Variants in AGPAT4 observed in about 807,000 individuals in gnomAD.
AGPAT4 encodes the protein 1-acylglycerol-3-phosphate O-acyltransferase 4, also known as 1-acyl-sn-glycerol-3-phosphate acyltransferase delta.
Under a neutral mutation model 48.0 loss-of-function variants are expected in AGPAT4, and 15 were observed. That is an observed-to-expected ratio of 0.31 (90% confidence interval 0.21 to 0.48). AGPAT4 has a LOEUF of 0.48. AGPAT4 is among the 20% of genes least tolerant of loss of function. AGPAT4 has a pLI of 0.99. For missense variants in AGPAT4, 314 were observed against 482.5 expected (o/e 0.65, Z 3.27); for synonymous variants, 178 against 198.7 (o/e 0.90, Z 0.88).
rs953716449 is a variant in AGPAT4 at position 161,177,548 on chromosome 6, CT to C, written c.179-11132del. On this transcript the variant is annotated intron_variant, in intron 2 of 8. Transcript: ENST00000320285. This position sits in a 1 kb window ranked among gnomAD's most constrained non-coding sequence, Gnocchi z 5.0. ...TATTCTAGTTAGCCATTCATCTAAT[CT>C]TTTTTTTCAAGGTTTTTAGCTTCTT... 6.6e-6 allele frequency among the ~76,000 whole-genome samples: 1 copy of C among 152,046 alleles called. No individual in the cohort carries two copies. Among genetic ancestry groups the C allele is most frequent in the African/African-American group, 2.4e-5 (1 of 41,402 alleles).
At chr6:161,257,829 T>G (rs890302002) in intron 1 of AGPAT4, among the ~76,000 whole-genome samples, 1 of 152,212 alleles carries the variant, frequency 6.6e-6, no homozygotes, top group Non-Finnish European at 1.5e-5. Flanking sequence ...CCATTAGCTA[T>G]GAACCCATCT....
chr6:161,253,031 C>T (rs1382206760), intron 1 of AGPAT4, among the ~76,000 whole-genome samples: 6 of 151,396 alleles, frequency 4.0e-5, no homozygotes, highest in African/African-American at 7.3e-5. Flanking sequence ...CTGGCCAATA[C>T]GGTGAAACCC....
chr6:161,211,433 A>G (rs1781519183), intron 2 of AGPAT4, among the ~76,000 whole-genome samples: 1 of 152,294 alleles, frequency 6.6e-6, no homozygotes, highest in East Asian at 1.9e-4. Context: ...AGATGTAAAG[A>G]AAGTTATAAA....
chr6:161,151,404 C>G (rs764800683), intron 5 of AGPAT4, among the ~76,000 whole-genome samples: 2 of 152,224 alleles, frequency 1.3e-5, no homozygotes, highest in Non-Finnish European at 2.9e-5. Flanking sequence ...CAGCATAGAG[C>G]TGGACGGCCT....
intron 2 of AGPAT4, among the ~76,000 whole-genome samples, chr6:161,170,413 T>C (rs907831296): frequency 6.6e-6 from 1 of 151,516 alleles, no homozygotes; most frequent in African/African-American, 2.4e-5. Flanking sequence ...GTTTGGAAAA[T>C]AGTCTTATAG....
At chr6:161,237,142 C>T (rs990633021) in intron 1 of AGPAT4, among the ~76,000 whole-genome samples, 1 of 152,160 alleles carries the variant, frequency 6.6e-6, no homozygotes, top group African/African-American at 2.4e-5. Flanking sequence ...AATGACTGCA[C>T]CAGCGTTTAA....
intron 3 of AGPAT4, among the ~76,000 whole-genome samples, chr6:161,157,677 TTATCAA>T (rs1360634014): frequency 1.3e-5 from 2 of 152,216 alleles, no homozygotes; most frequent in Non-Finnish European, 2.9e-5. Flanking sequence ...ATTTTGGATG[TTATCAA>T]TATGTCTAGG....
intron 2 of AGPAT4, among the ~76,000 whole-genome samples, chr6:161,203,863 T>C (rs1781310457): frequency 6.6e-6 from 1 of 152,204 alleles, no homozygotes; most frequent in African/African-American, 2.4e-5. Flanking sequence ...GAGTTTTTGT[T>C]GGTTGGTTGG....
chr6:161,143,446 A>G lies in AGPAT4; in HGVS notation c.843+3078T>C, dbSNP rs977227349. 3.3e-5 allele frequency among the ~76,000 whole-genome samples: 5 copies of G among 152,198 alleles called. No individual in the cohort carries two copies. The highest frequency in any genetic ancestry group is 1.2e-4 in the African/African-American group (5 of 41,444). ...TTATAGTCCCTTCTGCAAATGTCAAATTACAACCTGAAGAAGTACTTTAAG... is the reference window on the plus strand; with the variant it reads ...TTATAGTCCCTTCTGCAAATGTCAAGTTACAACCTGAAGAAGTACTTTAAG... On this transcript the variant is annotated intron_variant, in intron 7 of 8. Coordinates refer to ENST00000320285, the MANE Select transcript of AGPAT4 (RefSeq NM_020133.3). This position sits in a 1 kb window ranked among gnomAD's most constrained non-coding sequence, Gnocchi z 4.7.
intron 1 of AGPAT4, among the ~76,000 whole-genome samples, chr6:161,256,119 A>G (rs892921608): frequency 2.6e-5 from 4 of 152,176 alleles, no homozygotes; most frequent in Admixed American, 2.6e-4. Context: ...GCAGGATGTT[A>G]CTGCCCACCA....
intron 2 of AGPAT4, among the ~76,000 whole-genome samples, chr6:161,211,766 A>G (rs1360460658): frequency 2.6e-5 from 4 of 152,168 alleles, no homozygotes; most frequent in African/African-American, 9.7e-5. Context: ...AGTACTTGTG[A>G]CACTGAGTTA....
At chr6:161,153,776 C>T (rs2018762) in intron 4 of AGPAT4, among the ~76,000 whole-genome samples, 4,539 of 147,958 alleles carry the variant, frequency 0.031, 93 homozygotes, top group South Asian at 0.074. Context: ...CCCATGGTTA[C>T]ATACAGCCCT....
chr6:161,257,653 A>T (rs1782978961), intron 1 of AGPAT4, among the ~76,000 whole-genome samples: 2 of 152,196 alleles, frequency 1.3e-5, no homozygotes, highest in African/African-American at 4.8e-5. Context: ...CAAAAAAATG[A>T]TCAAAGGGTT....
Position 161,243,048 on chromosome 6 carries a change from G to A in AGPAT4, c.-89-10746C>T, listed in dbSNP as rs929723335. 5.3e-5 allele frequency among the ~76,000 whole-genome samples: 8 copies of A among 152,060 alleles called. No individual in the cohort carries two copies. Among genetic ancestry groups the A allele is most frequent in the Non-Finnish European group, 7.4e-5 (5 of 68,008 alleles). ...ACTGCACTCCAGCTTGGGCGACAGA[G>A]CCAGACTCTGTCTCAAAAAAATTTT... is the stretch of plus-strand genomic sequence containing the variant. On this transcript the variant is annotated intron_variant, in intron 1 of 8. Transcript: ENST00000320285. This position sits in a 1 kb window ranked among gnomAD's most constrained non-coding sequence, Gnocchi z 4.8.
chr6:161,270,004 C>T lies in AGPAT4; in HGVS notation c.-90+3934G>A, dbSNP rs1163143897. Among the ~76,000 whole-genome samples the T allele has an allele frequency of 1.3e-5, 2 of 152,208 alleles. No homozygotes were observed. The highest frequency in any genetic ancestry group is 1.3e-4 in the Admixed American group (2 of 15,288). ...CAAGAGTGTGCCAAGGAAAAGAAGA[C>T]AGGTAGATGGATTGTTCCATGACAA... is the stretch of plus-strand genomic sequence containing the variant. On this transcript the variant is annotated intron_variant, in intron 1 of 8. Transcript: ENST00000320285. This position sits in a 1 kb window ranked among gnomAD's most constrained non-coding sequence, Gnocchi z 5.3.
At chr6:161,269,501 C>T (rs932342462) in intron 1 of AGPAT4, among the ~76,000 whole-genome samples, 2 of 152,284 alleles carry the variant, frequency 1.3e-5, no homozygotes, top group Admixed American at 6.5e-5. Context: ...CCAGGGCAGG[C>T]GCGGTGGCTC....
intron 2 of AGPAT4, among the ~76,000 whole-genome samples, chr6:161,172,400 C>T (rs1780290860): frequency 6.6e-6 from 1 of 152,200 alleles, no homozygotes; most frequent in Non-Finnish European, 1.5e-5. Context: ...CTGGGGTACA[C>T]ACAGACTGTG....
intron 2 of AGPAT4, among the ~76,000 whole-genome samples, chr6:161,210,515 T>A (rs2115018020): frequency 6.6e-6 from 1 of 152,312 alleles, no homozygotes; most frequent in African/African-American, 2.4e-5. Flanking sequence ...TGAAAATATA[T>A]AAAGAGTTCC....
Position 161,184,359 on chromosome 6 carries a change from G to A in AGPAT4, c.179-17942C>T, listed in dbSNP as rs1026075163. Among the ~76,000 whole-genome samples, 9 of 152,102 alleles carry A rather than the reference G, an allele frequency of 5.9e-5. No homozygotes were observed. The highest frequency in any genetic ancestry group is 2.2e-4 in the African/African-American group (9 of 41,406). Reference sequence around the variant, plus strand: ...AGACAGAGGAGAATTCAGGAGTGAAGCTAAGGTTTTTGTCCTGAATAGCTG... The same window carrying A: ...AGACAGAGGAGAATTCAGGAGTGAAACTAAGGTTTTTGTCCTGAATAGCTG... On this transcript the variant is annotated intron_variant, in intron 2 of 8. Transcript: ENST00000320285. The surrounding 1 kb of genome is among the most constrained non-coding windows in gnomAD (Gnocchi z 4.8).
Sources: gnomAD v4.1 joint callset for allele counts (sites outside exome capture counted in the v4.1 genomes callset) on GRCh38, gnomAD v4.1.1 for gene constraint, Gnocchi (gnomAD v3.1) non-coding constraint, MANE v1.5 for transcripts, NCBI Gene and HGNC (gene_info 2026-07-23, HGNC 2026-07-21) for gene names.